Variants in PRICKLE2 observed in about 807,000 individuals in gnomAD.
PRICKLE2 encodes the protein prickle planar cell polarity protein 2, also known as prickle-like protein 2.
In PRICKLE2, 21 loss-of-function variants were observed where a neutral mutation model predicts 81.4. The ratio of observed to expected loss-of-function variants is 0.26; its 90% CI spans 0.18 to 0.37. The LOEUF is 0.37. Ranked by LOEUF, PRICKLE2 falls within the 10% of genes least tolerant of loss-of-function variation. PRICKLE2 has a pLI of 1.00. For synonymous variants in PRICKLE2, 456 were observed against 421.5 expected (o/e 1.08, Z -1.00); for missense variants, 940 against 1,109.0 (o/e 0.85, Z 2.16).
intron 7 of PRICKLE2, among the ~76,000 whole-genome samples, chr3:64,115,729 G>T (rs1445893950): frequency 6.6e-6 from 1 of 152,170 alleles, no homozygotes; most frequent in East Asian, 1.9e-4. Context: ...AAGAGATTTA[G>T]ACTCCCACAC....
intron 2 of PRICKLE2, among the ~76,000 whole-genome samples, chr3:64,238,284 T>C (rs911412351): frequency 3.3e-5 from 5 of 151,794 alleles, no homozygotes; most frequent in Admixed American, 6.6e-5. Context: ...GGTCAAGAGA[T>C]TGAGACCAGC....
intron 1 of PRICKLE2, among the ~76,000 whole-genome samples, chr3:64,212,129 A>G (rs1444156965): frequency 1.3e-5 from 2 of 152,170 alleles, no homozygotes; most frequent in Non-Finnish European, 2.9e-5. Context: ...TGGCAACACT[A>G]CTACCTGCAT....
intron 2 of PRICKLE2, chr3:64,194,461 C>A (rs2078411052): frequency 6.6e-6 from 1 of 152,188 alleles, no homozygotes; most frequent in Non-Finnish European, 1.5e-5. Context: ...CGTCTGGAGA[C>A]ATGTTTGGTT....
At chr3:64,189,460 T>G (rs148411374) in intron 2 of PRICKLE2, among the ~76,000 whole-genome samples, 301 of 152,274 alleles carry the variant, frequency 2.0e-3, no homozygotes, top group African/African-American at 6.7e-3. Context: ...GCAATGTGCA[T>G]GCTCTTCACT....
chr3:64,187,639 G>C (rs1437663014), intron 2 of PRICKLE2: 1 of 152,240 alleles, frequency 6.6e-6, no homozygotes, highest in African/African-American at 2.4e-5. Flanking sequence ...GGGGGTTTTA[G>C]AAGGGCTATT....
At chr3:64,237,550 C>T (rs146884757) in intron 2 of PRICKLE2, among the ~76,000 whole-genome samples, 6 of 152,234 alleles carry the variant, frequency 3.9e-5, no homozygotes, top group African/African-American at 1.4e-4. Context: ...TCTGCCACTC[C>T]ACCTCTCTGC....
At chr3:64,237,616 G>A (rs1199822678) in intron 2 of PRICKLE2, among the ~76,000 whole-genome samples, 3 of 152,056 alleles carry the variant, frequency 2.0e-5, no homozygotes, top group Non-Finnish European at 4.4e-5. Flanking sequence ...TGGGAGGTGG[G>A]GCAGACCAGG....
intron 2 of PRICKLE2, among the ~76,000 whole-genome samples, chr3:64,168,039 C>G (rs1349789961): frequency 6.6e-6 from 1 of 152,100 alleles, no homozygotes; most frequent in South Asian, 2.1e-4. Context: ...CTTGTTGGAC[C>G]TCACCCAATT....
intron 2 of PRICKLE2, among the ~76,000 whole-genome samples, chr3:64,264,668 T>C (rs776415770): frequency 6.6e-6 from 1 of 152,200 alleles, no homozygotes; most frequent in Non-Finnish European, 1.5e-5. Context: ...TCAGAAAATA[T>C]AAAACAAAAC....
intron 7 of PRICKLE2, among the ~76,000 whole-genome samples, chr3:64,134,470 G>A (rs189529920): frequency 6.6e-6 from 1 of 152,294 alleles, no homozygotes; most frequent in Admixed American, 6.5e-5. Context: ...GCTGGCTTAT[G>A]GAGCTGGATA....
At position 64,219,777 on chromosome 3, in the gene PRICKLE2, CTAGAA is replaced by C. The variant is rs1374571563; in HGVS notation, c.-41+5128_-41+5132del. On this transcript the variant is annotated intron_variant, in intron 1 of 7. Coordinates refer to ENST00000638394, the MANE Select transcript of PRICKLE2 (RefSeq NM_198859.4). The stretch of plus-strand genomic sequence containing the variant: ...ATTATAATGAAAAGTATAAAGAAGC[CTAGAA>C]TGGTGGACAGGATTTGGACTCTAAT... Among the ~76,000 whole-genome samples, 5 of 152,236 alleles carry C rather than the reference CTAGAA, an allele frequency of 3.3e-5. No homozygotes were observed. The East Asian group carries it at 9.7e-4, about 29-fold the overall frequency.
intron 1 of PRICKLE2, among the ~76,000 whole-genome samples, chr3:64,218,315 ACTT>A (rs997561842): frequency 2.6e-5 from 4 of 152,234 alleles, no homozygotes; most frequent in African/African-American, 9.6e-5. Context: ...GGAAACATCT[ACTT>A]CTTATAATCT....
intron 3 of PRICKLE2, among the ~76,000 whole-genome samples, chr3:64,162,147 G>T (rs145770132): frequency 2.6e-5 from 4 of 152,126 alleles, no homozygotes; most frequent in Non-Finnish European, 5.9e-5. Context: ...GATTCAGCTC[G>T]TGGGTTGGAG....
chr3:64,134,465 C>T (rs1035535522), intron 7 of PRICKLE2, among the ~76,000 whole-genome samples: 2 of 152,136 alleles, frequency 1.3e-5, no homozygotes, highest in Admixed American at 1.3e-4. Context: ...GCACTGCTGG[C>T]TTATGGAGCT....
At chr3:64,142,890 G>C (rs1225698677) in intron 7 of PRICKLE2, among the ~76,000 whole-genome samples, 1 of 152,188 alleles carries the variant, frequency 6.6e-6, no homozygotes, top group Non-Finnish European at 1.5e-5. Flanking sequence ...TTCCATGGAT[G>C]AGGAAATTGA....
At position 64,170,831 on chromosome 3, in the gene PRICKLE2, C is replaced by T. The variant is rs148818088; in HGVS notation, c.145-7702G>A. Among the ~76,000 whole-genome samples, 159 of 151,946 alleles carry T rather than the reference C, an allele frequency of 1.0e-3. 3 individuals carry two copies. The highest frequency in any genetic ancestry group is 3.6e-3 in the African/African-American group (151 of 41,408). On this transcript the variant is annotated intron_variant, in intron 2 of 7. Coordinates refer to ENST00000638394, the MANE Select transcript of PRICKLE2 (RefSeq NM_198859.4). ...TTGAGGCTGCAGTGAGTGGCGAATG[C>T]GCCACTGCCCTCCAGCCTGGGTGAC...
At chr3:64,233,915 T>C (rs2079142127) in intron 2 of PRICKLE2, among the ~76,000 whole-genome samples, 1 of 152,214 alleles carries the variant, frequency 6.6e-6, no homozygotes, top group Non-Finnish European at 1.5e-5. Flanking sequence ...ACATTTTATA[T>C]TAGTGAAAAC....
At chr3:64,190,924 G>A (rs1184460712) in intron 2 of PRICKLE2, among the ~76,000 whole-genome samples, 2 of 152,168 alleles carry the variant, frequency 1.3e-5, no homozygotes, top group Admixed American at 1.3e-4. Context: ...ACCAAGGAAG[G>A]TGGGTGGCAG....
intron 2 of PRICKLE2, among the ~76,000 whole-genome samples, chr3:64,243,328 G>C (rs1373832097): frequency 6.6e-6 from 1 of 152,214 alleles, no homozygotes; most frequent in Non-Finnish European, 1.5e-5. Flanking sequence ...GTGTTCAGCA[G>C]TACCCATGAC....
Sources: gnomAD v4.1 joint callset for allele counts (sites outside exome capture counted in the v4.1 genomes callset) on GRCh38, gnomAD v4.1.1 for gene constraint, MANE v1.5 for transcripts, NCBI Gene and HGNC (gene_info 2026-07-23, HGNC 2026-07-21) for gene names.